HTR4: variants seen among roughly 807,000 people sequenced by gnomAD.
The protein encoded by HTR4 is 5-hydroxytryptamine receptor 4.
HTR4 carries 16 observed loss-of-function variants against 36.8 expected under a neutral mutation model. The ratio of observed to expected loss-of-function variants is 0.43; its 90% CI spans 0.29 to 0.66. The LOEUF (loss-of-function observed/expected upper bound fraction) is 0.66. HTR4 is among the 30% of genes least tolerant of loss of function. The probability of loss-of-function intolerance (pLI) is 0.13; values close to 1 mark genes in which losing one functional copy is unlikely to be tolerated. For synonymous variants in HTR4, 189 were observed against 185.1 expected, an observed-to-expected ratio of 1.02 and a Z score of -0.17; for missense variants, 438 against 490.9, an observed-to-expected ratio of 0.89 and a Z score of 1.02.
In HTR4 at chr5:148,644,137, T is replaced by G. The variant is rs538119848; in HGVS notation, c.-47-7076A>C. Among the ~76,000 whole-genome samples the G allele has an allele frequency of 8.5e-5, 13 of 152,232 alleles. No homozygotes were observed. The South Asian group carries it at 2.7e-3, about 32-fold the overall frequency. On this transcript the variant is annotated intron_variant, in intron 1 of 6. Transcript: ENST00000377888. ...TCACAGATATTACTGTTGCTGGTGG[T>G]TCAGGGACCACTCTTTGAGAACCAC...
intron 5 of HTR4, chr5:148,466,019 C>T (rs1755418005): frequency 1.3e-6 from 2 of 1,554,402 alleles, no homozygotes. Context: ...GATTAGTAGA[C>T]ACATGATCTC....
At chr5:148,558,370 C>A (rs1223777077) in intron 2 of HTR4, among the ~76,000 whole-genome samples, 1 of 152,104 alleles carries the variant, frequency 6.6e-6, no homozygotes, top group Non-Finnish European at 1.5e-5. Flanking sequence ...CTTTAGACAG[C>A]CTTCTTCCTG....
downstream of HTR4, among the ~76,000 whole-genome samples, chr5:148,476,998 A>G (rs768718018): frequency 9.9e-5 from 15 of 152,200 alleles, no homozygotes; most frequent in Non-Finnish European, 1.6e-4. Flanking sequence ...CGAAGAGTTG[A>G]GCATATTCTG....
At chr5:148,587,951 T>C (rs1050934607) in intron 2 of HTR4, among the ~76,000 whole-genome samples, 1 of 152,208 alleles carries the variant, frequency 6.6e-6, no homozygotes, top group Admixed American at 6.5e-5. Context: ...CTCTCCTGGC[T>C]GTGCCTGCCT....
At chr5:148,589,024 T>C (rs1442969730) in intron 2 of HTR4, among the ~76,000 whole-genome samples, 1 of 152,166 alleles carries the variant, frequency 6.6e-6, no homozygotes, top group Admixed American at 6.5e-5. Context: ...TTGTCTATAG[T>C]ATATGTATAC....
At chr5:148,620,664 C>G (rs1752881190) in intron 2 of HTR4, among the ~76,000 whole-genome samples, 1 of 152,214 alleles carries the variant, frequency 6.6e-6, no homozygotes, top group Admixed American at 6.5e-5. Context: ...TCACCCATCT[C>G]TTTTTGCTTA....
intron 2 of HTR4, among the ~76,000 whole-genome samples, chr5:148,602,379 C>A (rs1762029732): frequency 6.6e-6 from 1 of 151,966 alleles, no homozygotes. Flanking sequence ...TCTAAATAAA[C>A]CATGGGTCAC....
chr5:148,585,984 T>C (rs139389927), intron 2 of HTR4, among the ~76,000 whole-genome samples: 1 of 152,334 alleles, frequency 6.6e-6, no homozygotes, highest in East Asian at 1.9e-4. Context: ...TCATTCACCA[T>C]TTCAGCCTCA....
chr5:148,455,476 G>A (rs573923625), intron 5 of HTR4, among the ~76,000 whole-genome samples: 4 of 152,310 alleles, frequency 2.6e-5, no homozygotes, highest in African/African-American at 7.2e-5. Context: ...TGTTTCTCAT[G>A]TGCTAATGAG....
chr5:148,479,232 G>A (rs1245203036), downstream of HTR4, among the ~76,000 whole-genome samples: 2 of 152,064 alleles, frequency 1.3e-5, no homozygotes, highest in African/African-American at 4.8e-5. Context: ...GTAGAATCTG[G>A]TAAAATCACA....
intron 1 of HTR4, 122 bp from the exon 2 acceptor site, chr5:148,637,183 A>G (rs1233289380): frequency 1.5e-6 from 1 of 675,594 alleles, no homozygotes; most frequent in African/African-American, 1.8e-5. Context: ...GGAAATATTT[A>G]ATAAACAATA....
intron 2 of HTR4, among the ~76,000 whole-genome samples, chr5:148,559,414 C>A (rs945294746): frequency 6.6e-6 from 1 of 152,054 alleles, no homozygotes; most frequent in Non-Finnish European, 1.5e-5. Context: ...GCTAATATGA[C>A]TTATGTAAAT....
intron 6 of HTR4, among the ~76,000 whole-genome samples, chr5:148,495,969 G>C (rs978042516): frequency 6.6e-6 from 1 of 151,984 alleles, no homozygotes; most frequent in Admixed American, 6.6e-5. Flanking sequence ...GGGTTTGGTG[G>C]CTGGCGCCTG....
chr5:148,502,693 T>C (rs531166297), intron 6 of HTR4, among the ~76,000 whole-genome samples: 1 of 152,196 alleles, frequency 6.6e-6, no homozygotes, highest in African/African-American at 2.4e-5. Context: ...ATCAAACTTC[T>C]CTGAGCTAAA....
chr5:148,494,493 T>C (rs1756598168), intron 6 of HTR4, among the ~76,000 whole-genome samples: 2 of 152,384 alleles, frequency 1.3e-5, no homozygotes, highest in South Asian at 2.1e-4. Flanking sequence ...ATTTTCACTT[T>C]TTTTCTATGT....
chr5:148,594,391 A>G (rs1402881486), intron 2 of HTR4, among the ~76,000 whole-genome samples: 3 of 151,518 alleles, frequency 2.0e-5, no homozygotes, highest in African/African-American at 7.3e-5. Flanking sequence ...AAGTTACCTA[A>G]TTGACATTAC....
intron 5 of HTR4, among the ~76,000 whole-genome samples, chr5:148,469,585 A>G (rs1323163752): frequency 6.6e-6 from 1 of 152,196 alleles, no homozygotes; most frequent in Non-Finnish European, 1.5e-5. Flanking sequence ...AAGTTCCTAC[A>G]CGGGGGTTGT....
intron 5 of HTR4, among the ~76,000 whole-genome samples, chr5:148,521,623 C>A (rs2035443041): frequency 6.6e-6 from 1 of 151,984 alleles, no homozygotes; most frequent in Non-Finnish European, 1.5e-5. Context: ...CAATTCCTTA[C>A]AGTATCCCTT....
chr5:148,617,142 A>G (rs1752727666), intron 2 of HTR4, among the ~76,000 whole-genome samples: 1 of 152,200 alleles, frequency 6.6e-6, no homozygotes, highest in African/African-American at 2.4e-5. Flanking sequence ...GATTTCTCAT[A>G]AATGGTTTAA....
Sources: gnomAD v4.1 joint callset for allele counts (sites outside exome capture counted in the v4.1 genomes callset) on GRCh38, gnomAD v4.1.1 for gene constraint, MANE v1.5 for transcripts, NCBI Gene and HGNC (gene_info 2026-07-23, HGNC 2026-07-21) for gene names.